SETBP1: variants seen among roughly 807,000 people sequenced by gnomAD.
The protein encoded by SETBP1 is SET binding protein 1.
A neutral mutation model predicts 101.0 loss-of-function variants in SETBP1; 9 were observed. The observed-to-expected ratio is 0.09, with a 90% CI of 0.05 to 0.16. The LOEUF (loss-of-function observed/expected upper bound fraction) is 0.16. Among genes scored for constraint, SETBP1 ranks in the 10% least tolerant of loss-of-function variants. The probability of loss-of-function intolerance (pLI) is 1.00; values close to 1 mark genes in which losing one functional copy is unlikely to be tolerated. For synonymous variants in SETBP1, 818 were observed against 788.5 expected (o/e 1.04, Z -0.63); for missense variants, 1,858 against 2,033.8 (o/e 0.91, Z 1.66).
At chr18:44,803,229 T>A (rs2071645904) in intron 2 of SETBP1, among the ~76,000 whole-genome samples, 1 of 152,294 alleles carries the variant, frequency 6.6e-6, no homozygotes, top group South Asian at 2.1e-4. Flanking sequence ...AACAGTCATA[T>A]CAGTTATGTT....
chr18:45,018,844 C>T (rs1054795011), intron 4 of SETBP1, among the ~76,000 whole-genome samples: 6 of 152,144 alleles, frequency 3.9e-5, no homozygotes, highest in African/African-American at 1.2e-4. Context: ...ATGGCATAGG[C>T]TCATGCTCCC....
At chr18:44,790,649 T>C (rs1027096757) in intron 2 of SETBP1, among the ~76,000 whole-genome samples, 1 of 152,218 alleles carries the variant, frequency 6.6e-6, no homozygotes, top group Non-Finnish European at 1.5e-5. Context: ...ATTGGCTGCA[T>C]GACAGAAATG....
chr18:44,945,659 A>G (rs1055846102), intron 3 of SETBP1, among the ~76,000 whole-genome samples: 3 of 152,198 alleles, frequency 2.0e-5, no homozygotes, highest in Admixed American at 6.5e-5. Flanking sequence ...TGTGCCCAAT[A>G]TGGAATGTCA....
At chr18:44,775,715 T>C (rs2070987141) in intron 2 of SETBP1, among the ~76,000 whole-genome samples, 1 of 152,072 alleles carries the variant, frequency 6.6e-6, no homozygotes, top group Admixed American at 6.6e-5. Context: ...CCATTTTTTT[T>C]TTTTTTTCGT....
intron 2 of SETBP1, among the ~76,000 whole-genome samples, chr18:44,732,383 C>T (rs534383860): frequency 5.9e-5 from 9 of 152,304 alleles, no homozygotes; most frequent in East Asian, 1.9e-4. Context: ...TTCCTAGCTC[C>T]GGGAACTTGC....
At chr18:45,007,568 G>A (rs2072755636) in intron 4 of SETBP1, among the ~76,000 whole-genome samples, 1 of 151,846 alleles carries the variant, frequency 6.6e-6, no homozygotes, top group Non-Finnish European at 1.5e-5. Context: ...TCTGCACCAG[G>A]ACGCAGTCTC....
intron 5 of SETBP1, among the ~76,000 whole-genome samples, chr18:45,041,982 A>C (rs1215430553): frequency 6.6e-6 from 1 of 152,032 alleles, no homozygotes; most frequent in African/African-American, 2.4e-5. Context: ...ATTTTAAAAA[A>C]AAGAGTGGAT....
At chr18:44,807,996 C>T (rs1294903556) in intron 2 of SETBP1, among the ~76,000 whole-genome samples, 1 of 152,178 alleles carries the variant, frequency 6.6e-6, no homozygotes, top group Non-Finnish European at 1.5e-5. Flanking sequence ...GCAGTGGAAT[C>T]TTCATATCTG....
At chr18:44,926,786 C>A (rs2070716292) in intron 3 of SETBP1, among the ~76,000 whole-genome samples, 1 of 149,952 alleles carries the variant, frequency 6.7e-6, no homozygotes, top group Non-Finnish European at 1.5e-5. Context: ...ACAACAACAA[C>A]AAAAAGAAAT....
intron 2 of SETBP1, among the ~76,000 whole-genome samples, chr18:44,803,764 A>G (rs1344027627): frequency 2.6e-5 from 4 of 151,954 alleles, no homozygotes; most frequent in Non-Finnish European, 5.9e-5. Flanking sequence ...ATTTTTCTCT[A>G]TAACTCTTTC....
intron 2 of SETBP1, among the ~76,000 whole-genome samples, chr18:44,831,926 CTG>C (rs2072379534): frequency 6.6e-6 from 1 of 152,138 alleles, no homozygotes; most frequent in Non-Finnish European, 1.5e-5. Flanking sequence ...GTTTATCCTG[CTG>C]TGTTTTCACT....
chr18:44,789,608 A>G lies in SETBP1; in HGVS notation c.487-79622A>G, dbSNP rs569926482. ...TATATTCCTATTTGGGTAGCAGTCCATCACCTCCCTGCGCTCTCGCTCCTG... is the reference window on the plus strand; with the variant it reads ...TATATTCCTATTTGGGTAGCAGTCCGTCACCTCCCTGCGCTCTCGCTCCTG... On this transcript the variant is annotated intron_variant, in intron 2 of 5. Transcript: ENST00000649279. Among the ~76,000 whole-genome samples, 379 of 152,330 alleles carry G rather than the reference A, an allele frequency of 2.5e-3. 4 individuals are homozygous for G. Among genetic ancestry groups the G allele is most frequent in the African/African-American group, 8.6e-3 (356 of 41,572 alleles).
intron 2 of SETBP1, among the ~76,000 whole-genome samples, chr18:44,865,197 A>G (rs2069102321): frequency 6.6e-6 from 1 of 152,226 alleles, no homozygotes; most frequent in African/African-American, 2.4e-5. Flanking sequence ...GATCTTGAAA[A>G]TGTCACTTAT....
intron 2 of SETBP1, among the ~76,000 whole-genome samples, chr18:44,803,458 GCTT>G (rs2071653271): frequency 6.6e-6 from 1 of 152,130 alleles, no homozygotes; most frequent in Admixed American, 6.5e-5. Flanking sequence ...GACAGAATGT[GCTT>G]CTTAGAGACA....
At chr18:44,849,697 G>A (rs940786046) in intron 2 of SETBP1, among the ~76,000 whole-genome samples, 1 of 150,962 alleles carries the variant, frequency 6.6e-6, no homozygotes, top group Non-Finnish European at 1.5e-5. Context: ...AGAGAGAGGA[G>A]TTCAGCTCTC....
At chr18:44,919,688 G>T (rs1015227105) in intron 3 of SETBP1, among the ~76,000 whole-genome samples, 6 of 150,934 alleles carry the variant, frequency 4.0e-5, no homozygotes, top group Admixed American at 2.6e-4. Context: ...ATCCTCTCTG[G>T]TTTTTCCTTA....
At chr18:44,766,345 G>A (rs1244571110) in intron 2 of SETBP1, among the ~76,000 whole-genome samples, 1 of 152,204 alleles carries the variant, frequency 6.6e-6, no homozygotes, top group East Asian at 1.9e-4. Context: ...TTGGAATGAT[G>A]ATATGGAACA....
chr18:44,689,893 T>G (rs1463237038), intron 1 of SETBP1, among the ~76,000 whole-genome samples: 1 of 152,092 alleles, frequency 6.6e-6, no homozygotes, highest in Admixed American at 6.5e-5. Flanking sequence ...TCCCCTAAGC[T>G]GAAATGGGGA....
At chr18:44,727,334 G>T (rs1202810919) in intron 2 of SETBP1, among the ~76,000 whole-genome samples, 1 of 152,160 alleles carries the variant, frequency 6.6e-6, no homozygotes, top group Non-Finnish European at 1.5e-5. Flanking sequence ...CCTGTCTTGA[G>T]GCAGGGCCTT....
Sources: gnomAD v4.1 joint callset for allele counts (sites outside exome capture counted in the v4.1 genomes callset) on GRCh38, gnomAD v4.1.1 for gene constraint, MANE v1.5 for transcripts, NCBI Gene and HGNC (gene_info 2026-07-23, HGNC 2026-07-21) for gene names.